Variants in CSMD1 observed in about 807,000 individuals in gnomAD.
The protein encoded by CSMD1 is CUB and Sushi multiple domains 1.
In CSMD1, 213 loss-of-function variants were observed where a neutral mutation model predicts 417.5. That is an observed-to-expected ratio of 0.51 (90% CI 0.46 to 0.57). CSMD1 has a LOEUF of 0.57. Ranked by LOEUF, CSMD1 falls within the 20% of genes least tolerant of loss-of-function variation. The pLI is 0.00. For synonymous variants in CSMD1, 2,862 were observed against 1,736.8 expected, an observed-to-expected ratio of 1.65 and a Z score of -16.11; for missense variants, 6,923 against 4,529.7, an observed-to-expected ratio of 1.53 and a Z score of -15.17.
intron 1 of CSMD1, among the ~76,000 whole-genome samples, chr8:4,755,401 T>C (rs943177453): frequency 3.3e-5 from 5 of 152,242 alleles, no homozygotes; most frequent in African/African-American, 1.2e-4. Context: ...CCTGAAATAC[T>C]TGGTTCTGAT....
At chr8:4,841,930 A>AAAAAAAAAAAAAAAAAAAAAAAAAAAAC (rs1192383183) in intron 1 of CSMD1, among the ~76,000 whole-genome samples, 1 of 122,426 alleles carries the variant, frequency 8.2e-6, no homozygotes, top group African/African-American at 3.3e-5. Flanking sequence ...AAAAAAAAAA[A>AAAAAAAAAAAAAAAAAAAAAAAAAAAAC]AAAAAAAAGT....
intron 1 of CSMD1, among the ~76,000 whole-genome samples, chr8:4,917,702 A>C (rs1806165571): frequency 6.6e-6 from 1 of 152,206 alleles, no homozygotes; most frequent in South Asian, 2.1e-4. Flanking sequence ...ATAGAGACAA[A>C]CCGTATCAGT....
chr8:3,954,372 T>C (rs987792097), intron 5 of CSMD1, among the ~76,000 whole-genome samples: 1 of 150,394 alleles, frequency 6.6e-6, no homozygotes, highest in Non-Finnish European at 1.5e-5. Context: ...GGACTTTTTT[T>C]TCTTTTTTGA....
intron 3 of CSMD1, among the ~76,000 whole-genome samples, chr8:4,048,382 A>G (rs1212552740): frequency 1.3e-5 from 2 of 152,170 alleles, no homozygotes; most frequent in African/African-American, 2.4e-5. Flanking sequence ...AACACAGACA[A>G]TGCTTCCTAG....
intron 3 of CSMD1, among the ~76,000 whole-genome samples, chr8:4,102,644 T>C (rs1288527212): frequency 6.6e-6 from 1 of 152,212 alleles, no homozygotes; most frequent in African/African-American, 2.4e-5. Flanking sequence ...TTTAAATGTT[T>C]TTTGCTGTAA....
chr8:4,210,082 C>G (rs935644274), intron 3 of CSMD1, among the ~76,000 whole-genome samples: 3 of 152,158 alleles, frequency 2.0e-5, no homozygotes, highest in African/African-American at 7.2e-5. Flanking sequence ...TCCTACCTCA[C>G]CAGCCCTGTA....
rs574859347 is a variant in CSMD1 at position 4,381,575 on chromosome 8, A to G, written c.415+38378T>C. Among the ~76,000 whole-genome samples the G allele has an allele frequency of 2.6e-5, 4 of 152,204 alleles. No homozygotes were observed. In the East Asian group the frequency reaches 7.8e-4, roughly 30 times the overall value. On this transcript the variant is annotated intron_variant, in intron 3 of 69. Coordinates refer to ENST00000635120, the MANE Select transcript of CSMD1 (RefSeq NM_033225.6). Reference sequence around the variant, plus strand: ...TGGAGATATGATTGCAATTCTGCCCAAAAGCAATGACCACTTCCCCTTGGT... The same window carrying G: ...TGGAGATATGATTGCAATTCTGCCCGAAAGCAATGACCACTTCCCCTTGGT...
chr8:4,856,773 T>A (rs780795029), intron 1 of CSMD1, among the ~76,000 whole-genome samples: 1 of 150,004 alleles, frequency 6.7e-6, no homozygotes, highest in Non-Finnish European at 1.5e-5. Context: ...AAGCAAGTCC[T>A]GAGTGACCTA....
intron 3 of CSMD1, among the ~76,000 whole-genome samples, chr8:4,275,768 G>C (rs968629322): frequency 6.6e-6 from 1 of 152,092 alleles, no homozygotes; most frequent in Non-Finnish European, 1.5e-5. Flanking sequence ...TTTAGTCACA[G>C]AATAAAAACT....
At chr8:4,782,435 T>G (rs556557375) in intron 1 of CSMD1, among the ~76,000 whole-genome samples, 310 of 152,314 alleles carry the variant, frequency 2.0e-3, no homozygotes, top group Non-Finnish European at 3.4e-3. Flanking sequence ...ACAGTTTTAT[T>G]TTCATTACAT....
chr8:2,947,925 A>G (rs920602727), intron 68 of CSMD1, among the ~76,000 whole-genome samples: 1 of 146,416 alleles, frequency 6.8e-6, no homozygotes, highest in African/African-American at 2.5e-5. Flanking sequence ...ATGATTAATT[A>G]TCCTTTTTTT....
At chr8:4,159,056 C>G (rs1267777046) in intron 3 of CSMD1, among the ~76,000 whole-genome samples, 1 of 152,112 alleles carries the variant, frequency 6.6e-6, no homozygotes, top group African/African-American at 2.4e-5. Context: ...ACTGGGATTA[C>G]AGGCTTGCAC....
At chr8:3,972,571 T>G (rs930511069) in intron 5 of CSMD1, among the ~76,000 whole-genome samples, 2 of 152,232 alleles carry the variant, frequency 1.3e-5, no homozygotes, top group South Asian at 2.1e-4. Context: ...GGGCCTCTTA[T>G]GCTATTCATC....
intron 10 of CSMD1, chr8:3,515,275 T>G (rs145007817): frequency 4.6e-5 from 7 of 152,312 alleles, no homozygotes; most frequent in African/African-American, 1.7e-4. Flanking sequence ...CTGCTTTTTC[T>G]GGAGTATGTG....
intron 10 of CSMD1, among the ~76,000 whole-genome samples, chr8:3,505,494 G>A (rs1490113360): frequency 6.6e-6 from 1 of 152,164 alleles, no homozygotes; most frequent in Non-Finnish European, 1.5e-5. Context: ...AGATAAAAGT[G>A]CTTCATTATG....
chr8:3,898,660 C>G (rs1469063962), intron 5 of CSMD1, among the ~76,000 whole-genome samples: 1 of 152,108 alleles, frequency 6.6e-6, no homozygotes, highest in Admixed American at 6.6e-5. Context: ...ACATGCAGAC[C>G]TGGTATTTGT....
At chr8:3,594,348 G>T (rs1272949664) in intron 8 of CSMD1, among the ~76,000 whole-genome samples, 1 of 152,054 alleles carries the variant, frequency 6.6e-6, no homozygotes, top group Non-Finnish European at 1.5e-5. Context: ...TTAGTAAAAA[G>T]ATAAGAAGAA....
At chr8:3,538,945 C>T (rs1342257269) in intron 10 of CSMD1, among the ~76,000 whole-genome samples, 1 of 152,176 alleles carries the variant, frequency 6.6e-6, no homozygotes, top group African/African-American at 2.4e-5. Flanking sequence ...TTGTGAGACC[C>T]CAATGTCATC....
chr8:4,984,308 G>A (rs1811057720), intron 1 of CSMD1, among the ~76,000 whole-genome samples: 1 of 152,312 alleles, frequency 6.6e-6, no homozygotes, highest in Middle Eastern at 3.4e-3. Context: ...TTGGCTGCAT[G>A]AGAGTAGAAA....
Sources: gnomAD v4.1 joint callset for allele counts (sites outside exome capture counted in the v4.1 genomes callset) on GRCh38, gnomAD v4.1.1 for gene constraint, MANE v1.5 for transcripts, NCBI Gene and HGNC (gene_info 2026-07-23, HGNC 2026-07-21) for gene names.